Variants in SASH1 observed in about 807,000 individuals in gnomAD.
SASH1 encodes the protein SAM and SH3 domain containing 1, also known as SAM and SH3 domain-containing protein 1.
In SASH1, 44 loss-of-function variants were observed where a neutral mutation model predicts 125.2. The observed-to-expected ratio is 0.35, with a 90% CI of 0.28 to 0.45. The LOEUF (loss-of-function observed/expected upper bound fraction) is 0.45, where lower values mean the gene tolerates loss of function less well. Among genes scored for constraint, SASH1 ranks in the 20% least tolerant of loss-of-function variants. The pLI is 1.00. For missense variants in SASH1, 1,426 were observed against 1,614.5 expected (o/e 0.88, Z 2.00); for synonymous variants, 639 against 649.1 (o/e 0.98, Z 0.24).
In SASH1 at chr6:148,543,921, C is replaced by T; in HGVS notation, c.2451C>T (p.Ser817=). Reference sequence around the variant, plus strand: ...AAAACCGAAGAAGCCTCCCAGTTTCCATCTGCCGGAGCTGTGAGACCCTGG... The same window carrying T: ...AAAACCGAAGAAGCCTCCCAGTTTCTATCTGCCGGAGCTGTGAGACCCTGG... ...LNKNRRSLPV[S]ICRSCETLEG... is the part of the protein sequence containing the mutation. Residue 817 remains serine, a synonymous_variant, in exon 18 of 20, where the codon TCC becomes TCT. Transcript: ENST00000367467. The T allele has an allele frequency of 6.2e-7, 1 of 1,614,188 alleles. No individual in the cohort carries two copies. Among genetic ancestry groups the T allele is most frequent in the Non-Finnish European group, 8.5e-7 (1 of 1,180,048 alleles).
chr6:148,545,282 C>T (rs1034443575), intron 18 of SASH1, among the ~76,000 whole-genome samples: 5 of 152,164 alleles, frequency 3.3e-5, no homozygotes, highest in African/African-American at 1.2e-4. Context: ...CTAACAGATA[C>T]AGCAGTACTT....
chr6:148,232,872 A>G, the SASH1 span, among the ~76,000 whole-genome samples: 2 of 152,158 alleles, frequency 1.3e-5, no homozygotes, highest in African/African-American at 2.4e-5. Context: ...GAGCTTTTAT[A>G]TATAGTACAT....
At chr6:148,487,480 T>G in intron 7 of SASH1, 134 bp from the exon 8 acceptor site, 1 of 641,578 alleles carries the variant, frequency 1.6e-6, no homozygotes, top group South Asian at 2.0e-5. Flanking sequence ...GTACCCAAAG[T>G]GATCTCTGTG....
intron 9 of SASH1, 30 bp downstream of exon 9, chr6:148,514,486 A>AAAAAAAAAAAT: frequency 1.6e-6 from 2 of 1,217,910 alleles, no homozygotes; most frequent in Middle Eastern, 3.1e-4. Context: ...AAAAAAAAAA[A>AAAAAAAAAAAT]GGCAGACTCC....
chr6:148,385,016 A>G (rs1214494445), intron 1 of SASH1, among the ~76,000 whole-genome samples: 4 of 152,186 alleles, frequency 2.6e-5, no homozygotes, highest in African/African-American at 9.7e-5. Flanking sequence ...GGCAGACAAG[A>G]CCCACTCTTA....
chr6:148,315,941 G>T (rs1034660486), intron 1 of SASH1, among the ~76,000 whole-genome samples: 1 of 152,058 alleles, frequency 6.6e-6, no homozygotes, highest in African/African-American at 2.4e-5. Context: ...AGACCAGCCT[G>T]CCACACCCAT....
At chr6:148,249,371 G>A in the SASH1 span, among the ~76,000 whole-genome samples, 6 of 151,704 alleles carry the variant, frequency 4.0e-5, no homozygotes, top group Non-Finnish European at 5.9e-5. Flanking sequence ...ACATGCGCAC[G>A]TGGGCTGATA....
At position 148,551,678 on chromosome 6, in the gene SASH1, TATA is replaced by T. The variant is rs1782883757; in HGVS notation, c.*3124_*3126del. ...GTACTGTATTATTTTCAGAAAAAAA[TATA>T]ATAGTCTGAGTCCAAGTTATCTTGA... On this transcript the variant is annotated 3_prime_UTR_variant, in exon 20 of 20. Transcript: ENST00000367467. 1 of 152,526 alleles carries T rather than the reference TATA, an allele frequency of 6.6e-6. No individual in the cohort carries two copies. The highest frequency in any genetic ancestry group is 2.4e-5 in the African/African-American group (1 of 41,422). The allele number at this position is 152,526 out of a possible 1,614,324, so 9.4% of individuals were successfully genotyped here. A position where few individuals can be genotyped will look rare whatever the true frequency, so the allele number is the denominator to read the frequency against.
the SASH1 span, among the ~76,000 whole-genome samples, chr6:148,223,891 G>A: frequency 6.6e-6 from 1 of 152,212 alleles, no homozygotes; most frequent in African/African-American, 2.4e-5. Context: ...ATACTGCTTT[G>A]GCTCTTTGGA....
chr6:148,432,315 GTTC>G (rs1489817945), intron 2 of SASH1, among the ~76,000 whole-genome samples: 1 of 152,138 alleles, frequency 6.6e-6, no homozygotes, highest in African/African-American at 2.4e-5. Context: ...GGAAGTTTCT[GTTC>G]TTCTGGTTTA....
chr6:148,233,742 C>CAAAAAAAAAAATAAAAAA, the SASH1 span, among the ~76,000 whole-genome samples: 1 of 60,534 alleles, frequency 1.7e-5, no homozygotes, highest in African/African-American at 8.1e-5. Context: ...TTCCTCTCTA[C>CAAAAAAAAAAATAAAAAA]AAAAAAAAAA....
intron 1 of SASH1, among the ~76,000 whole-genome samples, chr6:148,332,804 G>T (rs567193671): frequency 3.3e-5 from 5 of 151,826 alleles, no homozygotes; most frequent in Non-Finnish European, 5.9e-5. Flanking sequence ...AGACCAACAT[G>T]GTAAAACCCC....
Position 148,471,413 on chromosome 6 carries a change from TAAGG to T in SASH1, c.428-1_430del. ...TTTTTTTTTTTTTTTTTTTTTTTTT[TAAGG>T]AAAAGGAGACTGGAAGAAGAAAAAT... On this transcript the variant is annotated splice_acceptor_variant and splice_polypyrimidine_tract_variant and coding_sequence_variant and intron_variant, in exon 6 of 20. Transcript: ENST00000367467. LOFTEE classifies it high-confidence loss of function. 11 of 990,524 alleles carry T rather than the reference TAAGG, an allele frequency of 1.1e-5. No individual in the cohort carries two copies. Among genetic ancestry groups the T allele is most frequent in the East Asian group, 3.0e-5 (1 of 32,952 alleles). 61.4% of individuals were successfully genotyped at this position (990,524 alleles called of 1,614,324 possible).
intron 1 of SASH1, among the ~76,000 whole-genome samples, chr6:148,308,014 G>A (rs6570837): frequency 0.13 from 19,513 of 151,998 alleles, 1,614 homozygotes; most frequent in African/African-American, 0.23. Context: ...ACACTCACAG[G>A]TTTACCATAG....
intron 1 of SASH1, among the ~76,000 whole-genome samples, chr6:148,361,945 A>T (rs1299689178): frequency 2.4e-5 from 3 of 122,988 alleles, no homozygotes; most frequent in Non-Finnish European, 4.9e-5. Flanking sequence ...ACAGAGTCTC[A>T]CTCTGTCGCC....
chr6:148,364,947 A>C (rs2114722376), intron 1 of SASH1, among the ~76,000 whole-genome samples: 1 of 152,192 alleles, frequency 6.6e-6, no homozygotes, highest in South Asian at 2.1e-4. Context: ...ACATAGTGAA[A>C]CCCCATCTCT....
In SASH1 at chr6:148,546,102, G is replaced by A. The variant is rs768907165; in HGVS notation, c.3436G>A (p.Asp1146Asn). 2 of 1,614,242 alleles carry A rather than the reference G, an allele frequency of 1.2e-6. No individual in the cohort carries two copies. Among genetic ancestry groups the A allele is most frequent in the African/African-American group, 1.3e-5 (1 of 75,082 alleles). Reference sequence around the variant, plus strand: ...CGAGCGGGACGTCGCCGCCAACATGGACCAGATCCGGGTGAAGCAGCTTCG... The same window carrying A: ...CGAGCGGGACGTCGCCGCCAACATGAACCAGATCCGGGTGAAGCAGCTTCG... ...QPERDVAANM[D>N]QIRVKQLRKQ... Residue 1146 changes from aspartate (D) to asparagine (N), a missense_variant, in exon 19 of 20, where the codon GAC (aspartate) becomes AAC (asparagine). Asp to Asn is a conservative substitution (Grantham distance 23). Coordinates refer to ENST00000367467, the MANE Select transcript of SASH1 (RefSeq NM_015278.5).
At chr6:148,406,231 G>A (rs1213654924) in intron 2 of SASH1, among the ~76,000 whole-genome samples, 1 of 152,090 alleles carries the variant, frequency 6.6e-6, no homozygotes, top group African/African-American at 2.4e-5. Flanking sequence ...GTGCTTGTTT[G>A]TTCTGGCTGG....
intron 1 of SASH1, among the ~76,000 whole-genome samples, chr6:148,275,246 A>T (rs931563687): frequency 6.6e-6 from 1 of 152,210 alleles, no homozygotes; most frequent in Non-Finnish European, 1.5e-5. Flanking sequence ...TGTTCTCAAG[A>T]GCATTTTTAA....
Sources: allele counts gnomAD v4.1 joint callset (sites outside exome capture counted in the v4.1 genomes callset), GRCh38; gene constraint gnomAD v4.1.1; transcripts MANE v1.5; gene names NCBI Gene and HGNC (gene_info 2026-07-23, HGNC 2026-07-21).